Variants in CDH2 observed in about 807,000 individuals in gnomAD.
CDH2 encodes the protein cadherin-2.
A neutral mutation model predicts 92.0 loss-of-function variants in CDH2; 17 were observed. The observed-to-expected ratio is 0.18, with a 90% CI of 0.13 to 0.28. The LOEUF (loss-of-function observed/expected upper bound fraction) is 0.28. CDH2 is among the 10% of genes least tolerant of loss of function. The pLI is 1.00. For synonymous variants in CDH2, 419 were observed against 415.9 expected, an observed-to-expected ratio of 1.01 and a Z score of -0.09; for missense variants, 862 against 1,133.1, an observed-to-expected ratio of 0.76 and a Z score of 3.44.
intron 2 of CDH2, among the ~76,000 whole-genome samples, chr18:28,085,656 T>C (rs917924895): frequency 2.0e-5 from 3 of 152,146 alleles, no homozygotes; most frequent in African/African-American, 4.8e-5. Flanking sequence ...CTGACTGACA[T>C]TGTCATGTCC....
At chr18:28,100,149 C>T (rs191591926) in intron 2 of CDH2, among the ~76,000 whole-genome samples, 2 of 152,170 alleles carry the variant, frequency 1.3e-5, no homozygotes, top group East Asian at 3.9e-4. Flanking sequence ...GGGTATTTGG[C>T]CAAACTTTAT....
intron 1 of CDH2, among the ~76,000 whole-genome samples, chr18:28,166,131 G>A (rs1342339616): frequency 1.3e-4 from 6 of 45,100 alleles, no homozygotes; most frequent in Admixed American, 9.5e-4. Flanking sequence ...TACCAAAGAG[G>A]AGTAATTCAG....
At chr18:28,158,361 G>A (rs943530988) in intron 1 of CDH2, among the ~76,000 whole-genome samples, 7 of 152,226 alleles carry the variant, frequency 4.6e-5, no homozygotes, top group African/African-American at 1.7e-4. Flanking sequence ...TCCAAGCCCT[G>A]CAGGCTGAGA....
At chr18:28,089,175 T>C (rs2014992205) in intron 2 of CDH2, among the ~76,000 whole-genome samples, 1 of 152,104 alleles carries the variant, frequency 6.6e-6, no homozygotes, top group East Asian at 1.9e-4. Context: ...AGAACCAATA[T>C]ACAGAAACTT....
chr18:28,037,231 ATGCTCTAAG>A (rs1228938778), intron 2 of CDH2, among the ~76,000 whole-genome samples: 1 of 152,194 alleles, frequency 6.6e-6, no homozygotes, highest in African/African-American at 2.4e-5. Flanking sequence ...AAAATGAAAG[ATGCTCTAAG>A]TGCAAACCAT....
intron 11 of CDH2, 104 bp downstream of exon 11, chr18:27,988,420 A>C (rs2012303044): frequency 1.1e-6 from 1 of 941,130 alleles, no homozygotes; most frequent in Non-Finnish European, 1.6e-6. Context: ...TATAAAAGTC[A>C]GTTTTCCAGG....
In CDH2 at chr18:28,177,042, G is replaced by A. The variant is rs1249481431; in HGVS notation, c.-20C>T. 1 of 1,478,090 alleles carries A rather than the reference G, an allele frequency of 6.8e-7. No homozygotes were observed. Among genetic ancestry groups the A allele is most frequent in the Admixed American group, 2.1e-5 (1 of 47,052 alleles). The allele number at this position is 1,478,090 out of a possible 1,614,324, so 91.6% of individuals were successfully genotyped here. ...GCACATGGAGGCGGAGAGGGGCCGA[G>A]CGAAGAGCCGGAGGAGGCGGCGGCG... On this transcript the variant is annotated 5_prime_UTR_variant, in exon 1 of 16. Coordinates refer to ENST00000269141, the MANE Select transcript of CDH2 (RefSeq NM_001792.5).
intron 2 of CDH2, among the ~76,000 whole-genome samples, chr18:28,099,762 A>G (rs771101313): frequency 1.2e-4 from 18 of 152,276 alleles, no homozygotes; most frequent in Non-Finnish European, 2.2e-4. Flanking sequence ...TATTAGAGAA[A>G]GCAAATAGCA....
At chr18:28,136,256 G>A (rs1202418192) in intron 2 of CDH2, among the ~76,000 whole-genome samples, 1 of 152,120 alleles carries the variant, frequency 6.6e-6, no homozygotes, top group Non-Finnish European at 1.5e-5. Context: ...ATTATCAGGT[G>A]TTTCCTCTTT....
At chr18:27,942,847 G>A (rs889014329) in intron 6 of CDH2, among the ~76,000 whole-genome samples, 5 of 152,120 alleles carry the variant, frequency 3.3e-5, no homozygotes, top group Admixed American at 1.3e-4. Context: ...GTGTGAGTGC[G>A]CCTGGCAGCT....
chr18:28,074,990 C>T (rs570866714), intron 2 of CDH2, among the ~76,000 whole-genome samples: 4 of 152,078 alleles, frequency 2.6e-5, no homozygotes, highest in Non-Finnish European at 5.9e-5. Context: ...CTCAAATTAG[C>T]CACTGTGGGG....
At chr18:28,170,652 GC>G (rs1294957798) in intron 1 of CDH2, among the ~76,000 whole-genome samples, 1 of 152,128 alleles carries the variant, frequency 6.6e-6, no homozygotes, top group African/African-American at 2.4e-5. Context: ...GCCCTCTGTA[GC>G]TTTTTTAGGT....
chr18:27,976,076 A>C (rs1167825677), intron 14 of CDH2, among the ~76,000 whole-genome samples: 40 of 152,184 alleles, frequency 2.6e-4, no homozygotes, highest in Admixed American at 2.6e-3. Context: ...GTAAAAAGAC[A>C]TTATTCAGAA....
At chr18:28,128,007 T>G (rs527873967) in intron 2 of CDH2, among the ~76,000 whole-genome samples, 1 of 152,274 alleles carries the variant, frequency 6.6e-6, no homozygotes, top group African/African-American at 2.4e-5. Context: ...GATAAACAGA[T>G]GATCCATTGA....
chr18:28,104,090 C>T (rs1018553915), intron 2 of CDH2, among the ~76,000 whole-genome samples: 7 of 152,058 alleles, frequency 4.6e-5, no homozygotes, highest in Non-Finnish European at 8.8e-5. Flanking sequence ...TTCCTGTCTG[C>T]CTATCCAAGA....
At chr18:27,953,841 T>A (rs1909582500) in intron 15 of CDH2, among the ~76,000 whole-genome samples, 1 of 152,190 alleles carries the variant, frequency 6.6e-6, no homozygotes, top group African/African-American at 2.4e-5. Context: ...CTGGCACATG[T>A]AGAGCTCAAT....
intron 2 of CDH2, among the ~76,000 whole-genome samples, chr18:28,041,450 T>C (rs2013945606): frequency 6.6e-6 from 1 of 152,198 alleles, no homozygotes; most frequent in Non-Finnish European, 1.5e-5. Context: ...GAATACTTTC[T>C]ACTTTAATCA....
chr18:28,097,976 CAA>C (rs758008779), intron 2 of CDH2, among the ~76,000 whole-genome samples: 3 of 152,120 alleles, frequency 2.0e-5, no homozygotes, highest in Non-Finnish European at 4.4e-5. Context: ...TTGCAAATAG[CAA>C]AAGTTTCAAT....
chr18:27,989,146 A>G (rs1599013984), intron 10 of CDH2, among the ~76,000 whole-genome samples: 1 of 152,326 alleles, frequency 6.6e-6, no homozygotes, highest in East Asian at 1.9e-4. Flanking sequence ...TGGAGAGACC[A>G]CCATAATCCC....
Sources: gnomAD v4.1 joint callset for allele counts (sites outside exome capture counted in the v4.1 genomes callset) on GRCh38, gnomAD v4.1.1 for gene constraint, MANE v1.5 for transcripts, NCBI Gene and HGNC (gene_info 2026-07-23, HGNC 2026-07-21) for gene names.